The following MPI variants were observed in gnomAD, a reference collection of about 807,000 sequenced individuals.
The protein encoded by MPI is mannose-6-phosphate isomerase.
MPI carries 33 observed loss-of-function variants against 40.1 expected under a neutral mutation model. That is an observed-to-expected ratio of 0.82 (90% CI 0.62 to 1.10). The LOEUF is 1.10. Among genes scored for constraint, MPI ranks in the 50% least tolerant of loss-of-function variants. MPI has a pLI of 0.00. For missense variants in MPI, 514 were observed against 524.1 expected (o/e 0.98, Z 0.19); for synonymous variants, 187 against 207.4 (o/e 0.90, Z 0.85).
chr15:74,890,773 G>A (rs2064714546), intron 2 of MPI, 119 bp downstream of exon 2: 1 of 1,377,244 alleles, frequency 7.3e-7, no homozygotes, highest in South Asian at 1.2e-5. Flanking sequence ...GACCCACTTG[G>A]CTCTTCAGGC....
intron 6 of MPI, chr15:74,896,743 T>G: frequency 1.6e-6 from 1 of 614,688 alleles, no homozygotes; most frequent in South Asian, 1.9e-5. Context: ...ACATGCCTCA[T>G]GCACAGGATT....
In MPI at chr15:74,896,741, C is replaced by T. The variant is rs550799555; in HGVS notation, c.845-270C>T. The stretch of plus-strand genomic sequence containing the variant: ...GTTGGCTGCTTATCCACACATGCCT[C>T]ATGCACAGGATTCTGGGGTAGAAGT... On this transcript the variant is annotated intron_variant, in intron 6 of 7. Transcript: ENST00000352410. 8.0e-5 allele frequency: 49 copies of T among 614,626 alleles called. No individual in the cohort carries two copies. The Admixed American group carries it at 8.4e-4, about 11-fold the overall frequency. The allele number at this position is 614,626 out of a possible 1,614,324, so 38.1% of individuals were successfully genotyped here.
intron 2 of MPI, 84 bp from the exon 3 acceptor site, chr15:74,891,295 A>AAG (rs1428252727): frequency 1.6e-5 from 20 of 1,285,368 alleles, no homozygotes; most frequent in Non-Finnish European, 2.2e-5. Flanking sequence ...CCCTGTGGGG[A>AAG]GCACAGCATA....
At chr15:74,891,038 A>G (rs745913173) in intron 2 of MPI, 15 of 569,116 alleles carry the variant, frequency 2.6e-5, no homozygotes, top group South Asian at 2.3e-4. Flanking sequence ...TGGAAGATGT[A>G]TGTTAACCCC....
chr15:74,899,881 T>G lies in MPI; in HGVS notation c.*2151T>G, dbSNP rs8025447. 68,475 of 152,108 alleles carry G rather than the reference T, an allele frequency of 0.45. 16,415 individuals carry two copies. Among genetic ancestry groups the G allele is most frequent in the Non-Finnish European group, 0.54 (36,738 of 67,988 alleles). 9.4% of individuals were successfully genotyped at this position (152,108 alleles called of 1,614,324 possible). A position where few individuals can be genotyped will look rare whatever the true frequency, so the allele number is the denominator to read the frequency against. On this transcript the variant is annotated 3_prime_UTR_variant, in exon 8 of 8. Transcript: ENST00000352410. ...TAAGGTCAGGTTGGTCTCAAACTCCTGACCTTGTGATTTGCTTGCCTCAGC... is the reference window on the plus strand; with the variant it reads ...TAAGGTCAGGTTGGTCTCAAACTCCGGACCTTGTGATTTGCTTGCCTCAGC...
At chr15:74,894,091 T>TTTTCTGAGCCAG (rs1567267202) in intron 5 of MPI, among the ~76,000 whole-genome samples, 2 of 56,800 alleles carry the variant, frequency 3.5e-5, no homozygotes, top group African/African-American at 1.7e-4. Context: ...TGTGTGTGTG[T>TTTTCTGAGCCAG]GTGTGTGTGT....
At chr15:74,893,390 G>C in intron 5 of MPI, 70 bp downstream of exon 5, 1 of 1,569,092 alleles carries the variant, frequency 6.4e-7, no homozygotes, top group Non-Finnish European at 8.8e-7. Context: ...ACCAGACTCT[G>C]GGGACAGTTC....
At position 74,898,541 on chromosome 15, in the gene MPI, C is replaced by CTT. The variant is rs1023381946; in HGVS notation, c.*824_*825dup. The CTT allele has an allele frequency of 4.9e-5, 7 of 143,290 alleles. No homozygotes were observed. The highest frequency in any genetic ancestry group is 1.4e-4 in the Admixed American group (2 of 14,304). The allele number at this position is 143,290 out of a possible 1,614,324, so 8.9% of individuals were successfully genotyped here. On this transcript the variant is annotated 3_prime_UTR_variant, in exon 8 of 8. Transcript: ENST00000352410. ...CAAGACTCTTCGCTCCTGTTTTTCT[C>CTT]TTTTTTTTTTTTTTGAGACGGAGTC...
At chr15:74,893,695 G>C in intron 5 of MPI, 1 of 563,472 alleles carries the variant, frequency 1.8e-6, no homozygotes, top group East Asian at 2.9e-5. Flanking sequence ...CCCTCTCCTG[G>C]AAAGGACTGA....
chr15:74,892,638 C>A, intron 3 of MPI, 23 bp from the exon 4 acceptor site: 6 of 1,613,824 alleles, frequency 3.7e-6, no homozygotes, highest in Non-Finnish European at 5.1e-6. Context: ...CACCATCCTC[C>A]TCTTCCCCTG....
Position 74,896,993 on chromosome 15 carries a change from TGAC to T in MPI, c.845-14_845-12del, listed in dbSNP as rs760199403. The T allele has an allele frequency of 8.7e-6, 14 of 1,613,504 alleles. No individual in the cohort carries two copies. The highest frequency in any genetic ancestry group is 1.2e-5 in the Non-Finnish European group (14 of 1,179,602). On this transcript the variant is annotated splice_polypyrimidine_tract_variant and intron_variant, in intron 6 of 7. Transcript: ENST00000352410. Reference sequence around the variant, plus strand: ...AGGCATACTTCATCAGCTTAGCACATGACGACTGTCTCTCCAGACTGCGTGGAG... The same window carrying T: ...AGGCATACTTCATCAGCTTAGCACATGACTGTCTCTCCAGACTGCGTGGAG...
Position 74,899,678 on chromosome 15 carries a change from G to A in MPI, c.*1948G>A, listed in dbSNP as rs1429846239. ...GTCTCGCACTGTCTCCCGGGCTGGAGTGCAGTGGCGCGATAGCTCACTGCA... is the reference window on the plus strand; with the variant it reads ...GTCTCGCACTGTCTCCCGGGCTGGAATGCAGTGGCGCGATAGCTCACTGCA... On this transcript the variant is annotated 3_prime_UTR_variant, in exon 8 of 8. Coordinates refer to ENST00000352410, the MANE Select transcript of MPI (RefSeq NM_002435.3). The A allele has an allele frequency of 1.3e-5, 2 of 152,234 alleles. No individual in the cohort carries two copies. The highest frequency in any genetic ancestry group is 2.4e-5 in the African/African-American group (1 of 41,454). The allele number at this position is 152,234 out of a possible 1,614,324, so 9.4% of individuals were successfully genotyped here.
chr15:74,894,376 G>A (rs181907885), intron 5 of MPI, among the ~76,000 whole-genome samples: 7 of 151,478 alleles, frequency 4.6e-5, no homozygotes, highest in South Asian at 2.1e-4. Flanking sequence ...GAGCCACCAC[G>A]CCAGGCCCCT....
At chr15:74,894,551 G>A (rs1045720556) in intron 5 of MPI, among the ~76,000 whole-genome samples, 11 of 151,364 alleles carry the variant, frequency 7.3e-5, no homozygotes, top group East Asian at 2.0e-4. Flanking sequence ...TTAGCCAGGC[G>A]AGGCAGAGGT....
rs2064887187 is a variant in MPI, at chr15:74,900,049, G to GT, written c.*2321dup. 1 of 152,228 alleles carries GT rather than the reference G, an allele frequency of 6.6e-6. No homozygotes were observed. Among genetic ancestry groups the GT allele is most frequent in the African/African-American group, 2.4e-5 (1 of 41,458 alleles). The allele number at this position is 152,228 out of a possible 1,614,324, so 9.4% of individuals were successfully genotyped here. ...AGAGCTGTAGAAGTGCAAGCCAAGA[G>GT]TTCTATAGAGTAGTACATAAACACC... On this transcript the variant is annotated 3_prime_UTR_variant, in exon 8 of 8. Coordinates refer to ENST00000352410, the MANE Select transcript of MPI (RefSeq NM_002435.3).
intron 1 of MPI, chr15:74,890,306 C>T: frequency 1.2e-6 from 1 of 846,860 alleles, no homozygotes; most frequent in Non-Finnish European, 1.9e-6. Flanking sequence ...TCTGCTCCCT[C>T]CCCGCCACCC....
chr15:74,897,371 A>T, intron 7 of MPI, 141 bp from the exon 8 acceptor site: 1 of 1,284,024 alleles, frequency 7.8e-7, no homozygotes. Context: ...TGTACCAGGG[A>T]CCAGGCCTCT....
Position 74,896,186 on chromosome 15 carries a change from GGA to G in MPI, c.707_708del (p.Glu236AlafsTer12). 1 of 1,614,176 alleles carries G rather than the reference GGA, an allele frequency of 6.2e-7. No individual in the cohort carries two copies. Among genetic ancestry groups the G allele is most frequent in the East Asian group, 2.2e-5 (1 of 44,886 alleles). ...GAAACAACATGGAGGACATCTTTGG[GGA>G]GCTTTTGCTACAGCTGCACCAGCAG... is the stretch of plus-strand genomic sequence containing the variant. ...AGNNMEDIFG[E>X]LLLQLHQQYP... is the part of the protein sequence containing the mutation. On this transcript the variant is annotated frameshift_variant, in exon 6 of 8. Transcript: ENST00000352410. LOFTEE classifies it high-confidence loss of function.
In MPI at chr15:74,896,300, C is replaced by T. The variant is rs576592379; in HGVS notation, c.819C>T (p.Asn273=). The T allele has an allele frequency of 2.8e-4, 458 of 1,614,180 alleles. No homozygotes were observed. Among genetic ancestry groups the T allele is most frequent in the Admixed American group, 6.3e-4 (38 of 60,024 alleles). Residue 273 remains asparagine, a synonymous_variant, in exon 6 of 8, where the codon AAC becomes AAT. Transcript: ENST00000352410. ...GGGAGGCCATGTTTCTGGAGGCCAA[C>T]GTACCCCATGCCTACCTGAAAGGAG... ...KPGEAMFLEA[N]VPHAYLKGDC...
Sources: gnomAD v4.1 joint callset for allele counts (sites outside exome capture counted in the v4.1 genomes callset) on GRCh38, gnomAD v4.1.1 for gene constraint, MANE v1.5 for transcripts, NCBI Gene and HGNC (gene_info 2026-07-23, HGNC 2026-07-21) for gene names.